The following PDE8B variants were observed in gnomAD, a reference collection of about 807,000 sequenced individuals.
PDE8B encodes phosphodiesterase 8B.
In PDE8B, 26 loss-of-function variants were observed where a neutral mutation model predicts 101.3. The ratio of observed to expected loss-of-function variants is 0.26; its 90% confidence interval spans 0.19 to 0.36. PDE8B has a LOEUF of 0.36. PDE8B is among the 10% of genes least tolerant of loss of function. PDE8B has a pLI of 1.00. For missense variants in PDE8B, 810 were observed against 1,163.1 expected, an observed-to-expected ratio of 0.70 and a Z score of 4.42; for synonymous variants, 424 against 429.3, an observed-to-expected ratio of 0.99 and a Z score of 0.15.
intron 1 of PDE8B, among the ~76,000 whole-genome samples, chr5:77,271,303 T>C (rs1400533080): frequency 6.6e-6 from 1 of 152,226 alleles, no homozygotes; most frequent in Non-Finnish European, 1.5e-5. Flanking sequence ...CACCTCCAGC[T>C]GAAGTCTGGT....
At chr5:77,136,517 T>C in the PDE8B span, among the ~76,000 whole-genome samples, 2 of 152,188 alleles carry the variant, frequency 1.3e-5, no homozygotes, top group African/African-American at 4.8e-5. Flanking sequence ...ATATTTAAAA[T>C]AGGTACCATC....
intron 2 of PDE8B, among the ~76,000 whole-genome samples, chr5:77,321,928 T>C (rs894468464): frequency 2.0e-5 from 3 of 152,050 alleles, no homozygotes; most frequent in Admixed American, 2.0e-4. Context: ...ATCATTACAG[T>C]TCCCAGAGCA....
the PDE8B span, among the ~76,000 whole-genome samples, chr5:77,157,301 G>A: frequency 6.6e-6 from 1 of 152,178 alleles, no homozygotes. Context: ...ATATTTGCTA[G>A]GTTGAGACAC....
chr5:77,107,491 T>A, the PDE8B span, among the ~76,000 whole-genome samples: 2 of 152,192 alleles, frequency 1.3e-5, no homozygotes, highest in Non-Finnish European at 2.9e-5. Context: ...ATTTTTTTTG[T>A]CCAATATCTG....
At chr5:77,295,536 G>T (rs1346086284) in intron 1 of PDE8B, among the ~76,000 whole-genome samples, 2 of 152,112 alleles carry the variant, frequency 1.3e-5, no homozygotes, top group Non-Finnish European at 2.9e-5. Context: ...CATTTGGCTT[G>T]TGATTATTTC....
chr5:77,247,019 A>G (rs1156367513), intron 1 of PDE8B, among the ~76,000 whole-genome samples: 2 of 152,354 alleles, frequency 1.3e-5, no homozygotes, highest in East Asian at 3.9e-4. Context: ...TTATATTTAT[A>G]TGCTAATCTT....
At chr5:77,095,365 C>T in the PDE8B span, among the ~76,000 whole-genome samples, 1 of 152,258 alleles carries the variant, frequency 6.6e-6, no homozygotes, top group Non-Finnish European at 1.5e-5. Flanking sequence ...GCCATTGTTC[C>T]GATTGTGCTT....
the PDE8B span, chr5:77,112,328 T>G: frequency 6.6e-6 from 1 of 152,230 alleles, no homozygotes; most frequent in African/African-American, 2.4e-5. Context: ...TATCGTAGCA[T>G]TTGGACATTA....
chr5:77,378,026 ACACACACACACACACACACAC>A (rs1019017820), intron 10 of PDE8B, among the ~76,000 whole-genome samples: 11 of 127,118 alleles, frequency 8.7e-5, no homozygotes, highest in Admixed American at 7.5e-4. Context: ...ACACACACAC[ACACACACACACACACACACAC>A]ACCCCCTGTT....
At chr5:77,407,921 G>C (rs1025340284) in intron 13 of PDE8B, among the ~76,000 whole-genome samples, 1 of 152,188 alleles carries the variant, frequency 6.6e-6, no homozygotes, top group African/African-American at 2.4e-5. Flanking sequence ...ACAGGGCTCA[G>C]CTCATTCTGG....
At chr5:77,298,480 A>G (rs751508669) in intron 1 of PDE8B, among the ~76,000 whole-genome samples, 1 of 152,218 alleles carries the variant, frequency 6.6e-6, no homozygotes, top group African/African-American at 2.4e-5. Flanking sequence ...GAATTTTAGC[A>G]TGTGGGCACC....
At chr5:77,119,355 A>G in the PDE8B span, 1 of 152,206 alleles carries the variant, frequency 6.6e-6, no homozygotes, top group South Asian at 2.1e-4. Context: ...GTATATAAAC[A>G]GACTTGTTTA....
chr5:77,382,401 A>G (rs35317395), intron 10 of PDE8B, among the ~76,000 whole-genome samples: 31,242 of 152,186 alleles, frequency 0.21, 4,021 homozygotes, highest in Non-Finnish European at 0.3. Flanking sequence ...CAAAATACGT[A>G]CATCTTAGGC....
At chr5:77,378,016 A>ACC (rs1351399243) in intron 10 of PDE8B, among the ~76,000 whole-genome samples, 4 of 117,208 alleles carry the variant, frequency 3.4e-5, no homozygotes, top group Non-Finnish European at 5.3e-5. Flanking sequence ...CTCTACACAC[A>ACC]CACACACACA....
At chr5:77,290,335 A>T in intron 1 of PDE8B, 1 of 1,479,882 alleles carries the variant, frequency 6.8e-7, no homozygotes, top group Admixed American at 1.7e-5. Context: ...CGAGAGGAAA[A>T]TGAGGGCGTG....
At chr5:77,343,826 A>AG (rs1481514285) in intron 6 of PDE8B, among the ~76,000 whole-genome samples, 1 of 144,496 alleles carries the variant, frequency 6.9e-6, no homozygotes, top group Admixed American at 6.8e-5. Flanking sequence ...TACAAAAAAA[A>AG]TGTTTCTTTA....
intron 10 of PDE8B, among the ~76,000 whole-genome samples, chr5:77,363,824 T>A (rs1042220415): frequency 1.3e-5 from 2 of 151,554 alleles, no homozygotes; most frequent in African/African-American, 4.9e-5. Flanking sequence ...CCCCTCAATG[T>A]GTAGAGTAGG....
intron 1 of PDE8B, among the ~76,000 whole-genome samples, chr5:77,273,263 T>C (rs1281675802): frequency 6.6e-6 from 1 of 152,256 alleles, no homozygotes; most frequent in Non-Finnish European, 1.5e-5. Context: ...TTTATAGTTA[T>C]TGACACTTTG....
At chr5:77,242,252 G>A (rs1580519622) in intron 1 of PDE8B, among the ~76,000 whole-genome samples, 1 of 152,192 alleles carries the variant, frequency 6.6e-6, no homozygotes, top group South Asian at 2.1e-4. Flanking sequence ...CCTGTATCCA[G>A]TGCTCTCCAA....
Sources: allele counts gnomAD v4.1 joint callset (sites outside exome capture counted in the v4.1 genomes callset), GRCh38; gene constraint gnomAD v4.1.1; transcripts MANE v1.5; gene names NCBI Gene and HGNC (gene_info 2026-07-23, HGNC 2026-07-21).